EDIL3: variants seen among roughly 807,000 people sequenced by gnomAD.
EDIL3 encodes the protein EGF like and discoidin domains 3.
In EDIL3, 37 loss-of-function variants were observed where a neutral mutation model predicts 67.4. That is an observed-to-expected ratio of 0.55 (90% CI 0.42 to 0.72). The LOEUF (loss-of-function observed/expected upper bound fraction) is 0.72. Among genes scored for constraint, EDIL3 ranks in the 30% least tolerant of loss-of-function variants. EDIL3 has a pLI of 0.00. For synonymous variants in EDIL3, 195 were observed against 196.3 expected (o/e 0.99, Z 0.05); for missense variants, 527 against 586.3 (o/e 0.90, Z 1.04).
intron 4 of EDIL3, among the ~76,000 whole-genome samples, chr5:84,161,177 C>T (rs1748607178): frequency 1.3e-5 from 2 of 151,920 alleles, no homozygotes; most frequent in African/African-American, 2.4e-5. Flanking sequence ...GACTTTGTTC[C>T]TTTTTTATGT....
At chr5:84,085,940 C>T (rs371982552) in intron 6 of EDIL3, among the ~76,000 whole-genome samples, 5 of 152,300 alleles carry the variant, frequency 3.3e-5, no homozygotes, top group South Asian at 4.1e-4. Flanking sequence ...TGCTTTGCCG[C>T]GCCTCTTTGG....
rs538377044 is a variant in EDIL3, at chr5:84,145,684, T to G, written c.356-8330A>C. ...AATCACGTTTGGTATGTTTAAATAC[T>G]TAGCTTGGTTCGAAATGTATATAGA... On this transcript the variant is annotated intron_variant, in intron 4 of 10. Transcript: ENST00000296591. 1.4e-4 allele frequency among the ~76,000 whole-genome samples: 21 copies of G among 152,256 alleles called. No homozygotes were observed. In the South Asian group the frequency reaches 1.4e-3, roughly 11 times the overall value.
At position 84,125,570 on chromosome 5, in the gene EDIL3, A is replaced by C. The variant is rs548889091; in HGVS notation, c.469+11671T>G. Among the ~76,000 whole-genome samples, 3 of 152,160 alleles carry C rather than the reference A, an allele frequency of 2.0e-5. No homozygotes were observed. The South Asian group carries it at 6.2e-4, about 32-fold the overall frequency. ...AGGAACTAAATCAAAAAAGAGAATTACATGTGTGTTTAGTGGCAGTACCTT... is the reference window on the plus strand; with the variant it reads ...AGGAACTAAATCAAAAAAGAGAATTCCATGTGTGTTTAGTGGCAGTACCTT... On this transcript the variant is annotated intron_variant, in intron 5 of 10. Transcript: ENST00000296591.
chr5:84,239,358 T>A (rs1009725717), intron 2 of EDIL3, among the ~76,000 whole-genome samples: 1 of 152,214 alleles, frequency 6.6e-6, no homozygotes, highest in Non-Finnish European at 1.5e-5. Flanking sequence ...TTATTACCTG[T>A]CTTGTTTAGG....
At chr5:84,317,338 G>A (rs1746534868) in intron 1 of EDIL3, among the ~76,000 whole-genome samples, 1 of 152,032 alleles carries the variant, frequency 6.6e-6, no homozygotes, top group Admixed American at 6.6e-5. Flanking sequence ...TTTTTGAAAA[G>A]ATCAACAAAA....
At chr5:84,319,245 G>T in intron 1 of EDIL3, among the ~76,000 whole-genome samples, 1 of 82,940 alleles carries the variant, frequency 1.2e-5, no homozygotes, top group Non-Finnish European at 2.8e-5. Context: ...GGCCGAGGCG[G>T]GCGGATCACG....
At chr5:84,194,606 T>C (rs1743661488) in intron 3 of EDIL3, among the ~76,000 whole-genome samples, 1 of 151,932 alleles carries the variant, frequency 6.6e-6, no homozygotes, top group Admixed American at 6.6e-5. Context: ...CAATTAAAAA[T>C]GTTGAGCTAT....
chr5:84,292,200 T>A (rs1745937431), intron 1 of EDIL3, among the ~76,000 whole-genome samples: 1 of 152,148 alleles, frequency 6.6e-6, no homozygotes, highest in Non-Finnish European at 1.5e-5. Context: ...TCCAGCCAAA[T>A]AACACATCAG....
At chr5:84,333,403 C>G (rs12513922) in intron 1 of EDIL3, among the ~76,000 whole-genome samples, 3 of 151,790 alleles carry the variant, frequency 2.0e-5, no homozygotes, top group African/African-American at 2.4e-5. Flanking sequence ...AAAAATAGTT[C>G]TGGGAAACTG....
At chr5:84,114,588 C>T (rs1277700979) in intron 5 of EDIL3, among the ~76,000 whole-genome samples, 3 of 152,166 alleles carry the variant, frequency 2.0e-5, no homozygotes, top group African/African-American at 7.2e-5. Flanking sequence ...GGGGTATAAA[C>T]ATTACATACA....
At chr5:84,382,327 G>T (rs771018970) in intron 1 of EDIL3, among the ~76,000 whole-genome samples, 10 of 152,166 alleles carry the variant, frequency 6.6e-5, no homozygotes, top group South Asian at 2.1e-4. Flanking sequence ...CCTCGGCGCG[G>T]GTATCTTCAG....
At chr5:84,219,809 C>CAAT (rs1744303795) in intron 3 of EDIL3, among the ~76,000 whole-genome samples, 1 of 152,060 alleles carries the variant, frequency 6.6e-6, no homozygotes, top group African/African-American at 2.4e-5. Flanking sequence ...CTGTCATTTG[C>CAAT]AATAACATGG....
chr5:84,376,085 T>C (rs1011560281), intron 1 of EDIL3, among the ~76,000 whole-genome samples: 8 of 152,332 alleles, frequency 5.3e-5, no homozygotes, highest in African/African-American at 1.7e-4. Context: ...GGACAAGCTC[T>C]AGATCCTAAT....
At chr5:83,951,573 C>T (rs1744422897) in intron 10 of EDIL3, among the ~76,000 whole-genome samples, 1 of 151,426 alleles carries the variant, frequency 6.6e-6, no homozygotes, top group African/African-American at 2.4e-5. Flanking sequence ...TGTTTTTTTC[C>T]CTACCCTGGC....
In EDIL3 at chr5:84,180,520, A is replaced by G. The variant is rs777109957; in HGVS notation, c.228T>C (p.Gly76=). 3 of 1,566,410 alleles carry G rather than the reference A, an allele frequency of 1.9e-6. No homozygotes were observed. Among genetic ancestry groups the G allele is most frequent in the South Asian group, 1.2e-5 (1 of 82,292 alleles). Residue 76 remains glycine, a splice_region_variant and synonymous_variant, in exon 4 of 11, where the codon GGT becomes GGC. Coordinates refer to ENST00000296591, the MANE Select transcript of EDIL3 (RefSeq NM_005711.5). The part of the protein sequence containing the change: ...ASDEEEPTSA[G]PCTPNPCHNG... ...TATGGCATGGATTAGGAGTGCAGGG[A>G]CCTGAAAGACAGAAAAAAATATTTC...
intron 2 of EDIL3, among the ~76,000 whole-genome samples, chr5:84,244,902 T>G (rs1744876184): frequency 6.6e-6 from 1 of 152,180 alleles, no homozygotes. Context: ...CACAAACTAT[T>G]GTGAACTGCA....
intron 1 of EDIL3, among the ~76,000 whole-genome samples, chr5:84,269,626 T>A (rs766782200): frequency 3.3e-5 from 5 of 152,210 alleles, no homozygotes; most frequent in African/African-American, 4.8e-5. Context: ...AGATGAACTC[T>A]GAGTTCTTAT....
intron 9 of EDIL3, among the ~76,000 whole-genome samples, chr5:83,984,186 G>A (rs1176124425): frequency 6.6e-6 from 1 of 152,020 alleles, no homozygotes; most frequent in Non-Finnish European, 1.5e-5. Context: ...AGATGCTACG[G>A]AAAGTTGCAG....
chr5:84,022,008 T>G (rs940268630), intron 9 of EDIL3, among the ~76,000 whole-genome samples: 3 of 151,948 alleles, frequency 2.0e-5, no homozygotes, highest in African/African-American at 7.2e-5. Flanking sequence ...CCCAAGTTAT[T>G]CCAAATAATT....
Sources: gnomAD v4.1 joint callset for allele counts (sites outside exome capture counted in the v4.1 genomes callset) on GRCh38, gnomAD v4.1.1 for gene constraint, MANE v1.5 for transcripts, NCBI Gene and HGNC (gene_info 2026-07-23, HGNC 2026-07-21) for gene names.